KANSL3: variants seen among roughly 807,000 people sequenced by gnomAD.
KANSL3 encodes the protein KAT8 regulatory NSL complex subunit 3, also known as NSL complex protein NSL3.
A neutral mutation model predicts 89.2 loss-of-function variants in KANSL3; 16 were observed. The observed-to-expected ratio is 0.18, with a 90% CI of 0.12 to 0.27. KANSL3 has a LOEUF of 0.27. Ranked by LOEUF, KANSL3 falls within the 10% of genes least tolerant of loss-of-function variation. The pLI is 1.00. For synonymous variants in KANSL3, 385 were observed against 419.7 expected, an observed-to-expected ratio of 0.92 and a Z score of 1.01; for missense variants, 879 against 1,110.6, an observed-to-expected ratio of 0.79 and a Z score of 2.96.
rs373513145 is a variant in KANSL3, at chr2:96,605,301, C to T, written c.1933+19G>A. ...CTGAGAGAGCTCAGTTCTCATTTAACGTACCAAGAGAAACTCACCTTCTGG... is the reference window on the plus strand; with the variant it reads ...CTGAGAGAGCTCAGTTCTCATTTAATGTACCAAGAGAAACTCACCTTCTGG... On this transcript the variant is annotated intron_variant, in intron 15 of 20. Transcript: ENST00000431828. The T allele has an allele frequency of 3.3e-5, 52 of 1,595,626 alleles. No individual in the cohort carries two copies. The highest frequency in any genetic ancestry group is 4.3e-5 in the Non-Finnish European group (50 of 1,168,248).
At chr2:96,632,051 TAAATA>T (rs1187280061) in intron 2 of KANSL3, among the ~76,000 whole-genome samples, 4 of 149,790 alleles carry the variant, frequency 2.7e-5, no homozygotes, top group Non-Finnish European at 4.5e-5. Context: ...GTCTCAAAAA[TAAATA>T]AATAAATGAC....
intron 3 of KANSL3, among the ~76,000 whole-genome samples, chr2:96,621,886 C>G (rs2071350997): frequency 6.6e-6 from 1 of 152,124 alleles, no homozygotes; most frequent in Non-Finnish European, 1.5e-5. Flanking sequence ...GAGGCCAAGG[C>G]AGGCGGATCA....
chr2:96,600,431 T>C, intron 20 of KANSL3: 2 of 983,742 alleles, frequency 2.0e-6, no homozygotes, highest in Non-Finnish European at 2.4e-6. Flanking sequence ...TTAAAACATT[T>C]CCATCCCTCT....
the KANSL3 span, among the ~76,000 whole-genome samples, chr2:96,581,765 T>C: frequency 6.6e-6 from 1 of 152,198 alleles, no homozygotes; most frequent in Non-Finnish European, 1.5e-5. Context: ...TCAATATAAA[T>C]GTTTTGTTTT....
intron 5 of KANSL3, among the ~76,000 whole-genome samples, chr2:96,617,883 G>C (rs536999728): frequency 6.6e-6 from 1 of 151,818 alleles, no homozygotes; most frequent in African/African-American, 2.4e-5. Flanking sequence ...CTACTCAGGA[G>C]GCTGAGGCAG....
chr2:96,632,652 C>T (rs2073597683), intron 2 of KANSL3, among the ~76,000 whole-genome samples: 1 of 152,086 alleles, frequency 6.6e-6, no homozygotes, highest in African/African-American at 2.4e-5. Context: ...AAGAACAGTA[C>T]AAATGGAGAA....
At chr2:96,627,113 C>T (rs1476078217) in intron 3 of KANSL3, among the ~76,000 whole-genome samples, 1 of 152,196 alleles carries the variant, frequency 6.6e-6, no homozygotes, top group Non-Finnish European at 1.5e-5. Flanking sequence ...TAGACAACCA[C>T]TAATGCAGAC....
intron 2 of KANSL3, among the ~76,000 whole-genome samples, chr2:96,635,060 T>C (rs778714015): frequency 7.2e-5 from 11 of 152,246 alleles, no homozygotes; most frequent in Non-Finnish European, 1.0e-4. Context: ...TCCTGCCCTA[T>C]ACAAGATATC....
Position 96,612,520 on chromosome 2 carries a change from A to G in KANSL3, c.956T>C (p.Val319Ala), listed in dbSNP as rs1174774132. ...ATGCTCGAGACACTGTAGAACTCCT[A>G]CCCCACTGCCATTGTTCAGCAGATG... Reference protein sequence around the residue: ...ATHLLNNGSGVGVLQCLEHMI... With the variant: ...ATHLLNNGSGAGVLQCLEHMI... The change falls in exon 8 of 21, where the codon GTA becomes GCA. Residue 319 changes from valine (V) to alanine (A), a missense_variant. Coordinates refer to ENST00000431828, the MANE Select transcript of KANSL3 (RefSeq NM_001115016.3). The G allele has an allele frequency of 6.2e-7, 1 of 1,613,954 alleles. No individual in the cohort carries two copies. The highest frequency in any genetic ancestry group is 1.7e-5 in the Admixed American group (1 of 60,016).
In KANSL3 at chr2:96,631,466, T is replaced by C. The variant is rs1258642615; in HGVS notation, c.232A>G (p.Ile78Val). Reference sequence around the variant, plus strand: ...GTTGATGTGACCGTCTCCACATCTATTGGGACGTCTGATTCACTGTAAACA... The same window carrying C: ...GTTGATGTGACCGTCTCCACATCTACTGGGACGTCTGATTCACTGTAAACA... ...HESTIESDVPIDVETVTSTPM... is the reference protein window; with the variant it reads ...HESTIESDVPVDVETVTSTPM... The change falls in exon 3 of 21, where the codon ATA becomes GTA. Residue 78 changes from isoleucine (I) to valine (V), a missense_variant. Physicochemically the swap from Ile to Val is conservative, Grantham distance 29. This residue lies in a region of KANSL3 where 210 missense variants were observed against 311.9 expected (regional missense o/e 0.67). Transcript: ENST00000431828. 2 of 1,571,842 alleles carry C rather than the reference T, an allele frequency of 1.3e-6. No individual in the cohort carries two copies. The highest frequency in any genetic ancestry group is 1.2e-5 in the South Asian group (1 of 85,730).
rs530257754 is a variant in KANSL3, at chr2:96,631,145, A to T, written c.386+167T>A. 5.3e-4 allele frequency among the ~76,000 whole-genome samples: 81 copies of T among 152,370 alleles called. 1 individual carries two copies. In the South Asian group the frequency reaches 0.014, roughly 26 times the overall value. On this transcript the variant is annotated intron_variant, in intron 3 of 20. Coordinates refer to ENST00000431828, the MANE Select transcript of KANSL3 (RefSeq NM_001115016.3). ...GGCTGAGATGTAAGCCCTACTCTCAAGGAGCTCACACACAGCATGGTGAAC... is the reference window on the plus strand; with the variant it reads ...GGCTGAGATGTAAGCCCTACTCTCATGGAGCTCACACACAGCATGGTGAAC...
chr2:96,638,070 C>T (rs2074508451), intron 1 of KANSL3: 2 of 152,348 alleles, frequency 1.3e-5, no homozygotes, highest in African/African-American at 4.8e-5. Flanking sequence ...TGGGGCAGGG[C>T]TCGGCGTCCG....
intron 3 of KANSL3, among the ~76,000 whole-genome samples, chr2:96,627,505 G>A (rs2072572591): frequency 6.6e-6 from 1 of 152,170 alleles, no homozygotes; most frequent in South Asian, 2.1e-4. Flanking sequence ...GAGAGCTACT[G>A]CGCCTAGCCT....
At chr2:96,597,688 C>T (rs373277249) in intron 20 of KANSL3, among the ~76,000 whole-genome samples, 29 of 152,122 alleles carry the variant, frequency 1.9e-4, no homozygotes, top group Admixed American at 6.6e-4. Context: ...CTGCAACCTC[C>T]GCCTCCCAGG....
At chr2:96,619,871 A>G in intron 3 of KANSL3, 109 bp from the exon 4 acceptor site, 1 of 824,722 alleles carries the variant, frequency 1.2e-6, no homozygotes, top group Non-Finnish European at 1.9e-6. Flanking sequence ...GCTAGGGAAC[A>G]GTAAAACGAA....
intron 3 of KANSL3, among the ~76,000 whole-genome samples, chr2:96,620,100 A>C (rs2070966044): frequency 6.6e-6 from 1 of 152,252 alleles, no homozygotes; most frequent in Admixed American, 6.5e-5. Context: ...AATCATAAAT[A>C]AACGCACAGC....
chr2:96,601,669 A>G lies in KANSL3; in HGVS notation c.2590T>C (p.Ser864Pro), dbSNP rs1573299547. ...SGAAPSEESS[S>P]QVLPSSSQRL... ...TGTGAGCTGGAGGGCAGCACCTGGG[A>G]AGAGGACTCCTCGGATGGGGCTGCT... The change falls in exon 20 of 21, where the codon TCC becomes CCC. Residue 864 changes from serine (S) to proline (P), a missense_variant. By Grantham distance (74) the Ser-to-Pro change is moderately conservative. This residue lies in a region of KANSL3 where 61 missense variants were observed against 61.7 expected (regional missense o/e 0.99). Transcript: ENST00000431828. 1.9e-6 allele frequency: 3 copies of G among 1,613,528 alleles called. No homozygotes were observed. The African/African-American group carries it at 4.0e-5, about 22-fold the overall frequency.
intron 3 of KANSL3, among the ~76,000 whole-genome samples, chr2:96,625,992 A>G (rs2072235667): frequency 1.3e-5 from 2 of 152,146 alleles, no homozygotes; most frequent in Admixed American, 6.5e-5. Flanking sequence ...TTCAATTTTC[A>G]TGAGGGCAAA....
intron 20 of KANSL3, chr2:96,598,138 T>C: frequency 1.0e-5 from 10 of 985,426 alleles, no homozygotes; most frequent in Non-Finnish European, 1.2e-5. Flanking sequence ...TCCATCAACA[T>C]GGCATCAGCA....
Sources: allele counts gnomAD v4.1 joint callset (sites outside exome capture counted in the v4.1 genomes callset), GRCh38; gene constraint gnomAD v4.1.1; regional missense constraint gnomAD v4.1.1; transcripts MANE v1.5; gene names NCBI Gene and HGNC (gene_info 2026-07-23, HGNC 2026-07-21).